Variants in COL5A2 observed in about 807,000 individuals in gnomAD.
COL5A2 encodes collagen type V alpha 2 chain, also known as collagen alpha-2(V) chain.
In COL5A2, 23 loss-of-function variants were observed where a neutral mutation model predicts 208.2. The ratio of observed to expected loss-of-function variants is 0.11; its 90% confidence interval spans 0.08 to 0.16. COL5A2 has a LOEUF of 0.16. Ranked by LOEUF, COL5A2 falls within the 10% of genes least tolerant of loss-of-function variation. The probability of loss-of-function intolerance (pLI) is 1.00; values close to 1 mark genes in which losing one functional copy is unlikely to be tolerated. For missense variants in COL5A2, 1,590 were observed against 1,956.4 expected, an observed-to-expected ratio of 0.81 and a Z score of 3.53; for synonymous variants, 625 against 628.5, an observed-to-expected ratio of 0.99 and a Z score of 0.08.
intron 1 of COL5A2, among the ~76,000 whole-genome samples, chr2:189,175,447 G>A (rs1688658289): frequency 6.6e-6 from 1 of 151,752 alleles, no homozygotes; most frequent in Admixed American, 6.6e-5. Flanking sequence ...AGCCAGGAGA[G>A]GTAGAAAAAA....
At chr2:189,310,442 G>A in the COL5A2 span, among the ~76,000 whole-genome samples, 1 of 152,204 alleles carries the variant, frequency 6.6e-6, no homozygotes, top group Non-Finnish European at 1.5e-5. Flanking sequence ...AAGAAGATGT[G>A]TAGAAAAATA....
intron 31 of COL5A2, among the ~76,000 whole-genome samples, chr2:189,059,960 C>G (rs1559084106): frequency 6.6e-6 from 1 of 152,016 alleles, no homozygotes; most frequent in African/African-American, 2.4e-5. Flanking sequence ...CCTCCATAAT[C>G]AGGCCCCTGA....
At chr2:189,057,134 C>G in intron 34 of COL5A2, 108 bp from the exon 35 acceptor site, 1 of 1,303,282 alleles carries the variant, frequency 7.7e-7, no homozygotes, top group South Asian at 1.2e-5. Flanking sequence ...TAGTCGTATC[C>G]AGGTGAGCCT....
chr2:189,270,284 A>G, the COL5A2 span, among the ~76,000 whole-genome samples: 1 of 151,850 alleles, frequency 6.6e-6, no homozygotes, highest in Non-Finnish European at 1.5e-5. Context: ...TAGCTTTTGA[A>G]TTTGTTTGCT....
At chr2:189,427,116 C>T in the COL5A2 span, among the ~76,000 whole-genome samples, 1 of 152,232 alleles carries the variant, frequency 6.6e-6, no homozygotes, top group Non-Finnish European at 1.5e-5. Context: ...GCCCAGATGT[C>T]TAGGAGGGAA....
At chr2:189,439,532 G>A in the COL5A2 span, among the ~76,000 whole-genome samples, 1 of 152,226 alleles carries the variant, frequency 6.6e-6, no homozygotes, top group Non-Finnish European at 1.5e-5. Flanking sequence ...GTCCCTGGTG[G>A]CATGAATGAT....
intron 1 of COL5A2, among the ~76,000 whole-genome samples, chr2:189,131,046 A>T (rs1687704666): frequency 6.6e-6 from 1 of 152,144 alleles, no homozygotes; most frequent in Non-Finnish European, 1.5e-5. Context: ...AGCAAGGTAA[A>T]GACAAAGAGC....
chr2:189,252,164 G>A, the COL5A2 span, among the ~76,000 whole-genome samples: 1 of 152,220 alleles, frequency 6.6e-6, no homozygotes, highest in Non-Finnish European at 1.5e-5. Flanking sequence ...ACTGTTGGTG[G>A]GACTGTAAAC....
rs5837123 is a variant in COL5A2 at position 189,086,031 on chromosome 2, C to CAG, written c.691-261_691-260dup. Among the ~76,000 whole-genome samples, 21,672 of 152,092 alleles carry CAG rather than the reference C, an allele frequency of 0.14. 1,517 individuals are homozygous for CAG. Among genetic ancestry groups the CAG allele is most frequent in the Middle Eastern group, 0.19 (56 of 294 alleles). On this transcript the variant is annotated intron_variant, in intron 9 of 53. Transcript: ENST00000374866. Reference sequence around the variant, plus strand: ...TTAAGAACCTAGAATAGTGCTGGCACAGTGTGTGAGTGCTCCATCAATGGT... The same window carrying CAG: ...TTAAGAACCTAGAATAGTGCTGGCACAGAGTGTGTGAGTGCTCCATCAATGGT...
intron 40 of COL5A2, 143 bp downstream of exon 40, chr2:189,052,606 G>C: frequency 1.2e-6 from 1 of 860,366 alleles, no homozygotes; most frequent in Non-Finnish European, 1.9e-6. Flanking sequence ...TCTGAGTTAA[G>C]TGCCCTTTGC....
At chr2:189,318,822 T>C in the COL5A2 span, among the ~76,000 whole-genome samples, 1 of 152,196 alleles carries the variant, frequency 6.6e-6, no homozygotes, top group Admixed American at 6.5e-5. Flanking sequence ...TTGCCACACC[T>C]GTTTTGAATA....
At chr2:189,327,096 T>A in the COL5A2 span, among the ~76,000 whole-genome samples, 70 of 145,148 alleles carry the variant, frequency 4.8e-4, 1 homozygote, top group African/African-American at 1.6e-3. Context: ...ATAATAATAA[T>A]AAATAAAAAA....
At chr2:189,272,635 A>G in the COL5A2 span, among the ~76,000 whole-genome samples, 1 of 152,186 alleles carries the variant, frequency 6.6e-6, no homozygotes, top group African/African-American at 2.4e-5. Flanking sequence ...TGTTCTGCAC[A>G]TGTATCCCAG....
chr2:189,418,431 G>A, the COL5A2 span, among the ~76,000 whole-genome samples: 1 of 152,146 alleles, frequency 6.6e-6, no homozygotes, highest in Non-Finnish European at 1.5e-5. Context: ...CTAACTCAGT[G>A]ACCATGACCT....
the COL5A2 span, among the ~76,000 whole-genome samples, chr2:189,358,308 A>C: frequency 6.6e-6 from 1 of 152,126 alleles, no homozygotes; most frequent in African/African-American, 2.4e-5. Context: ...TCTGATGGAG[A>C]TGTAAAAAGA....
chr2:189,053,558 C>A, intron 37 of COL5A2, 81 bp from the exon 38 acceptor site: 2 of 1,231,874 alleles, frequency 1.6e-6, no homozygotes, highest in Non-Finnish European at 2.4e-6. Context: ...TCATATAAAT[C>A]TGATAGTTAG....
At chr2:189,187,821 T>C (rs1464077817) in intron 1 of COL5A2, among the ~76,000 whole-genome samples, 1 of 151,670 alleles carries the variant, frequency 6.6e-6, no homozygotes, top group Admixed American at 6.6e-5. Context: ...AACAAAAAAT[T>C]AGCCAGGCGT....
chr2:189,291,345 C>A, the COL5A2 span, among the ~76,000 whole-genome samples: 9 of 152,248 alleles, frequency 5.9e-5, no homozygotes, highest in Middle Eastern at 3.4e-3. Flanking sequence ...ATAATCTTAA[C>A]TATATCCTGG....
the COL5A2 span, among the ~76,000 whole-genome samples, chr2:189,380,695 A>G: frequency 6.6e-6 from 1 of 152,048 alleles, no homozygotes; most frequent in East Asian, 1.9e-4. Flanking sequence ...TCACGGAGAA[A>G]ATAAAATAAG....
Sources: gnomAD v4.1 joint callset for allele counts (sites outside exome capture counted in the v4.1 genomes callset) on GRCh38, gnomAD v4.1.1 for gene constraint, MANE v1.5 for transcripts, NCBI Gene and HGNC (gene_info 2026-07-23, HGNC 2026-07-21) for gene names.